Variants in WDR72 observed in about 807,000 individuals in gnomAD.
WDR72 encodes WD repeat-containing protein 72.
A neutral mutation model predicts 124.2 loss-of-function variants in WDR72; 120 were observed. The observed-to-expected ratio is 0.97, with a 90% CI of 0.83 to 1.12. The LOEUF (loss-of-function observed/expected upper bound fraction) is 1.12, where lower values mean the gene tolerates loss of function less well. Ranked by LOEUF, WDR72 falls within the 50% of genes most tolerant of loss-of-function variation. WDR72 has a pLI of 0.00. For missense variants in WDR72, 1,387 were observed against 1,278.8 expected (o/e 1.08, Z -1.29); for synonymous variants, 452 against 441.7 (o/e 1.02, Z -0.29).
At chr15:53,681,892 G>T (rs2016399861) in intron 13 of WDR72, among the ~76,000 whole-genome samples, 2 of 151,690 alleles carry the variant, frequency 1.3e-5, no homozygotes, top group Admixed American at 1.3e-4. Flanking sequence ...AAAAAAAAGT[G>T]AATCAAATGA....
chr15:53,676,664 G>C (rs981194971), intron 13 of WDR72, among the ~76,000 whole-genome samples: 1 of 152,190 alleles, frequency 6.6e-6, no homozygotes, highest in Non-Finnish European at 1.5e-5. Context: ...CTCTAGATGA[G>C]AGCCCAGTTG....
chr15:53,644,786 A>C (rs1169314366), intron 14 of WDR72, among the ~76,000 whole-genome samples: 1 of 152,072 alleles, frequency 6.6e-6, no homozygotes, highest in Non-Finnish European at 1.5e-5. Flanking sequence ...GGGCAAATAG[A>C]AGACAAAGGA....
intron 13 of WDR72, among the ~76,000 whole-genome samples, chr15:53,673,353 A>G (rs1182254579): frequency 6.6e-6 from 1 of 152,224 alleles, no homozygotes; most frequent in Non-Finnish European, 1.5e-5. Context: ...CATTTGATGA[A>G]TCCATCTGCA....
intron 13 of WDR72, among the ~76,000 whole-genome samples, chr15:53,679,389 T>C (rs75708490): frequency 0.011 from 1,692 of 152,248 alleles, 37 homozygotes; most frequent in African/African-American, 0.039. Context: ...TCTGTGTTAA[T>C]AAGACAGCCC....
chr15:53,581,626 T>G (rs925293786), intron 18 of WDR72, among the ~76,000 whole-genome samples: 1 of 152,048 alleles, frequency 6.6e-6, no homozygotes, highest in African/African-American at 2.4e-5. Flanking sequence ...TTGCAAATTT[T>G]CAATTATTGC....
At chr15:53,568,353 T>C (rs965627408) in intron 18 of WDR72, among the ~76,000 whole-genome samples, 5 of 151,578 alleles carry the variant, frequency 3.3e-5, no homozygotes, top group Non-Finnish European at 7.4e-5. Context: ...AAGTAGAAAA[T>C]AGGGATTTTC....
rs868656800 is a variant in WDR72 at position 53,695,823 on chromosome 15, T to G, written c.1765+3927A>C. Among the ~76,000 whole-genome samples the G allele has an allele frequency of 3.3e-5, 5 of 152,300 alleles. 1 individual carries two copies. In the South Asian group the frequency reaches 1.0e-3, roughly 32 times the overall value. ...CATGACTCTAGAATATGCTTACGTA[T>G]TCTGCCAAAGAGACTCGTAAGTAAA... On this transcript the variant is annotated intron_variant, in intron 13 of 19. Coordinates refer to ENST00000360509, the MANE Select transcript of WDR72 (RefSeq NM_182758.4).
chr15:53,644,555 G>A lies in WDR72; in HGVS notation c.1962+21017C>T, dbSNP rs567325296. ...AAGCATATAGGTGTATACTAGTTAT[G>A]AGAAGTATGTATCTTGCAAAGATAT... On this transcript the variant is annotated intron_variant, in intron 14 of 19. Transcript: ENST00000360509. Among the ~76,000 whole-genome samples the A allele has an allele frequency of 3.9e-5, 6 of 152,170 alleles. No individual in the cohort carries two copies. In the South Asian group the frequency reaches 1.0e-3, roughly 26 times the overall value.
At chr15:53,667,114 G>A (rs186584661) in intron 13 of WDR72, among the ~76,000 whole-genome samples, 1 of 152,256 alleles carries the variant, frequency 6.6e-6, no homozygotes, top group Admixed American at 6.5e-5. Flanking sequence ...CACTTTTGGA[G>A]CCTGAGGTGG....
intron 18 of WDR72, among the ~76,000 whole-genome samples, chr15:53,554,929 C>G (rs537428252): frequency 4.6e-5 from 7 of 152,020 alleles, no homozygotes; most frequent in African/African-American, 1.7e-4. Flanking sequence ...AATACTCCCA[C>G]CATAACTAAT....
At chr15:53,579,817 T>TA (rs1054015399) in intron 18 of WDR72, among the ~76,000 whole-genome samples, 7 of 151,554 alleles carry the variant, frequency 4.6e-5, no homozygotes, top group South Asian at 2.1e-4. Flanking sequence ...CTGTCCCCTA[T>TA]AAAAAAAATG....
chr15:53,690,541 G>A (rs1322859502), intron 13 of WDR72, among the ~76,000 whole-genome samples: 1 of 152,132 alleles, frequency 6.6e-6, no homozygotes, highest in African/African-American at 2.4e-5. Flanking sequence ...TACAATATGT[G>A]CATTTTTGTG....
intron 9 of WDR72, among the ~76,000 whole-genome samples, chr15:53,709,592 A>G (rs946335514): frequency 1.3e-5 from 2 of 152,204 alleles, no homozygotes; most frequent in Non-Finnish European, 1.5e-5. Flanking sequence ...AGGAGGAAAG[A>G]CCAGATCCTT....
At chr15:53,612,052 G>C (rs2013562458) in intron 16 of WDR72, among the ~76,000 whole-genome samples, 1 of 152,038 alleles carries the variant, frequency 6.6e-6, no homozygotes, top group Non-Finnish European at 1.5e-5. Context: ...CTTTTAAAAA[G>C]GAAAAGACAT....
chr15:53,753,612 T>A (rs905658717), intron 1 of WDR72, among the ~76,000 whole-genome samples: 8 of 152,224 alleles, frequency 5.3e-5, no homozygotes, highest in African/African-American at 1.9e-4. Context: ...GCCCCACCTC[T>A]GTTTCATAGT....
At chr15:53,541,311 GCCT>G (rs1893115346) in intron 18 of WDR72, among the ~76,000 whole-genome samples, 1 of 152,162 alleles carries the variant, frequency 6.6e-6, no homozygotes, top group African/African-American at 2.4e-5. Context: ...CGGGCAGACT[GCCT>G]CCTCAAGTGG....
chr15:53,628,973 A>G (rs1209777057), intron 14 of WDR72, among the ~76,000 whole-genome samples: 2 of 152,184 alleles, frequency 1.3e-5, no homozygotes, highest in African/African-American at 4.8e-5. Flanking sequence ...TTTAGAGTCA[A>G]CTTCTGAGGC....
chr15:53,696,404 A>G (rs2017003910), intron 13 of WDR72, among the ~76,000 whole-genome samples: 1 of 152,206 alleles, frequency 6.6e-6, no homozygotes, highest in Admixed American at 6.5e-5. Flanking sequence ...ACAGTTGGGC[A>G]GTCAGGATCT....
intron 3 of WDR72, among the ~76,000 whole-genome samples, chr15:53,720,114 A>T (rs2017833054): frequency 6.6e-6 from 1 of 152,144 alleles, no homozygotes; most frequent in African/African-American, 2.4e-5. Flanking sequence ...TTTAAAAAAA[A>T]TTGTTTTCTT....
Sources: allele counts gnomAD v4.1 joint callset (sites outside exome capture counted in the v4.1 genomes callset), GRCh38; gene constraint gnomAD v4.1.1; transcripts MANE v1.5; gene names NCBI Gene and HGNC (gene_info 2026-07-23, HGNC 2026-07-21).